The following TRPM3 variants were observed in gnomAD, a reference collection of about 807,000 sequenced individuals.
The protein encoded by TRPM3 is transient receptor potential cation channel subfamily M member 3.
Under a neutral mutation model 181.2 loss-of-function variants are expected in TRPM3, and 77 were observed. That is an observed-to-expected ratio of 0.42 (90% CI 0.35 to 0.51). TRPM3 has a LOEUF of 0.51. TRPM3 is among the 20% of genes least tolerant of loss of function. The pLI, the probability that TRPM3 is intolerant of heterozygous loss-of-function variation, is 0.01. For missense variants in TRPM3, 1,759 were observed against 2,196.7 expected (o/e 0.80, Z 3.98); for synonymous variants, 745 against 796.4 (o/e 0.94, Z 1.09).
intron 1 of TRPM3, among the ~76,000 whole-genome samples, chr9:71,294,482 TGAG>T (rs2086089344): frequency 6.6e-6 from 1 of 152,092 alleles, no homozygotes; most frequent in Admixed American, 6.6e-5. Flanking sequence ...TTGACAATAT[TGAG>T]GAGGATATAA....
chr9:70,740,659 C>A (rs1364492945), intron 8 of TRPM3, among the ~76,000 whole-genome samples: 1 of 152,022 alleles, frequency 6.6e-6, no homozygotes, highest in Non-Finnish European at 1.5e-5. Context: ...TGATAGAGAA[C>A]CCAGAAATAA....
chr9:70,780,217 A>G (rs936626277), intron 7 of TRPM3, among the ~76,000 whole-genome samples: 4 of 152,178 alleles, frequency 2.6e-5, no homozygotes, highest in African/African-American at 7.2e-5. Context: ...GGAAGTCTCT[A>G]TAGCTGAATA....
intron 1 of TRPM3, among the ~76,000 whole-genome samples, chr9:71,332,593 A>T (rs1365950958): frequency 1.3e-5 from 2 of 151,814 alleles, no homozygotes; most frequent in Non-Finnish European, 2.9e-5. Context: ...TGAAATCAGG[A>T]GATAAAGAGA....
intron 6 of TRPM3, among the ~76,000 whole-genome samples, chr9:70,819,249 G>T (rs12554826): frequency 0.059 from 9,012 of 152,162 alleles, 443 homozygotes; most frequent in East Asian, 0.12. Flanking sequence ...CAGAAATTGT[G>T]ACAACCCCAA....
rs549925323 is a variant in TRPM3 at position 71,321,453 on chromosome 9, A to C, written c.183+125200T>G. On this transcript the variant is annotated intron_variant, in intron 1 of 24. Transcript: ENST00000357533. ...TTAGACCACTTAGTTAAAATCAAAC[A>C]GAAAAATCAGCAACATGAAACTATG... Among the ~76,000 whole-genome samples, 15 of 152,340 alleles carry C rather than the reference A, an allele frequency of 9.8e-5. No individual in the cohort carries two copies. In the South Asian group the frequency reaches 3.1e-3, roughly 32 times the overall value.
chr9:71,214,542 T>G (rs2079723435), intron 1 of TRPM3, among the ~76,000 whole-genome samples: 1 of 152,094 alleles, frequency 6.6e-6, no homozygotes, highest in Non-Finnish European at 1.5e-5. Context: ...GCTATCAAAT[T>G]ATACAGTTTT....
At chr9:70,839,967 C>A (rs867729568) in intron 5 of TRPM3, among the ~76,000 whole-genome samples, 1 of 152,012 alleles carries the variant, frequency 6.6e-6, no homozygotes, top group Non-Finnish European at 1.5e-5. Flanking sequence ...AAAAGAGTTG[C>A]GACTGTGTAA....
At chr9:70,746,252 T>C (rs2075131362) in intron 8 of TRPM3, among the ~76,000 whole-genome samples, 1 of 113,542 alleles carries the variant, frequency 8.8e-6, no homozygotes, top group Non-Finnish European at 1.8e-5. Context: ...AGGATGCCCA[T>C]TTGAAAAACA....
chr9:71,297,790 C>T (rs1268806013), intron 1 of TRPM3, among the ~76,000 whole-genome samples: 4 of 152,102 alleles, frequency 2.6e-5, no homozygotes, highest in Non-Finnish European at 5.9e-5. Context: ...GGCTAGTAAG[C>T]GGCAGAAGCA....
rs796964995 is a variant in TRPM3, at chr9:71,168,510, C to T, written c.183+278143G>A. ...ACCCTTCTTTAGCCCTGACATTTTT[C>T]TTTTTTTTTTTTTTTTTAAGGTGTG... On this transcript the variant is annotated intron_variant, in intron 1 of 24. Coordinates refer to the TRPM3 transcript ENST00000357533. Among the ~76,000 whole-genome samples the T allele has an allele frequency of 4.2e-3, 380 of 90,520 alleles. 3 individuals carry two copies. Among genetic ancestry groups the T allele is most frequent in the South Asian group, 5.9e-3 (16 of 2,706 alleles). The allele number at this position is 90,520 out of a possible 152,430, so 59.4% of individuals were successfully genotyped here. A position where few individuals can be genotyped will look rare whatever the true frequency, so the allele number is the denominator to read the frequency against.
intron 5 of TRPM3, among the ~76,000 whole-genome samples, chr9:70,833,755 T>C (rs1262845006): frequency 6.6e-6 from 1 of 152,176 alleles, no homozygotes; most frequent in Non-Finnish European, 1.5e-5. Context: ...TTCTAATAGC[T>C]GATCAGGTTA....
chr9:71,182,628 T>C (rs969792539), intron 1 of TRPM3, among the ~76,000 whole-genome samples: 2 of 152,128 alleles, frequency 1.3e-5, no homozygotes, highest in East Asian at 3.9e-4. Flanking sequence ...TAAAATAGTA[T>C]AATGGCTTAC....
chr9:70,544,572 T>C (rs923627395), intron 25 of TRPM3, among the ~76,000 whole-genome samples: 2 of 152,102 alleles, frequency 1.3e-5, no homozygotes, highest in Admixed American at 1.3e-4. Context: ...GCAGTGGTCC[T>C]CTGACTTAGT....
chr9:71,225,662 A>C (rs1471010107), intron 1 of TRPM3, among the ~76,000 whole-genome samples: 1 of 151,988 alleles, frequency 6.6e-6, no homozygotes, highest in African/African-American at 2.4e-5. Flanking sequence ...AAAAGTAACT[A>C]TAACTTTTCT....
At chr9:70,740,615 C>G (rs1332431871) in intron 8 of TRPM3, among the ~76,000 whole-genome samples, 1 of 152,160 alleles carries the variant, frequency 6.6e-6, no homozygotes, top group Non-Finnish European at 1.5e-5. Flanking sequence ...CAGCATGGTA[C>G]TGGCATAAAA....
chr9:70,562,751 A>G (rs1279946006), intron 22 of TRPM3, among the ~76,000 whole-genome samples: 4 of 152,158 alleles, frequency 2.6e-5, no homozygotes, highest in Admixed American at 2.6e-4. Flanking sequence ...TTATTTGAAG[A>G]GGGCTTCAAA....
chr9:70,846,337 C>T (rs1254068713), intron 4 of TRPM3, 41 bp downstream of exon 4: 4 of 1,557,520 alleles, frequency 2.6e-6, no homozygotes, highest in South Asian at 1.1e-5. Flanking sequence ...CACAACATTC[C>T]CATGGCCTAT....
intron 1 of TRPM3, among the ~76,000 whole-genome samples, chr9:71,367,943 T>TTGTG (rs35334724): frequency 0.49 from 74,143 of 150,640 alleles, 18,509 homozygotes; most frequent in East Asian, 0.59. Flanking sequence ...TCCTAAGCAT[T>TTGTG]TGTGTGTGTG....
intron 1 of TRPM3, among the ~76,000 whole-genome samples, chr9:71,418,813 C>CTATATATATATATATATACTATATA (rs67074520): frequency 8.8e-6 from 1 of 113,156 alleles, no homozygotes; most frequent in Non-Finnish European, 1.9e-5. Context: ...TATATATATA[C>CTATATATATATATATATACTATATA]TATATATATA....
Sources: allele counts gnomAD v4.1 joint callset (sites outside exome capture counted in the v4.1 genomes callset), GRCh38; gene constraint gnomAD v4.1.1; transcripts MANE v1.5; gene names NCBI Gene and HGNC (gene_info 2026-07-23, HGNC 2026-07-21).